USP34: variants seen among roughly 807,000 people sequenced by gnomAD.
USP34 encodes the protein ubiquitin carboxyl-terminal hydrolase 34.
In USP34, 70 loss-of-function variants were observed where a neutral mutation model predicts 460.3. That is an observed-to-expected ratio of 0.15 (90% CI 0.13 to 0.19). The LOEUF (loss-of-function observed/expected upper bound fraction) is 0.19. Among genes scored for constraint, USP34 ranks in the 10% least tolerant of loss-of-function variants. The pLI, the probability that USP34 is intolerant of heterozygous loss-of-function variation, is 1.00. For missense variants in USP34, 3,985 were observed against 4,236.2 expected, an observed-to-expected ratio of 0.94 and a Z score of 1.65; for synonymous variants, 1,647 against 1,405.3, an observed-to-expected ratio of 1.17 and a Z score of -3.85.
intron 75 of USP34, chr2:61,194,275 A>T (rs571757960): frequency 1.0e-5 from 10 of 985,240 alleles, no homozygotes; most frequent in Non-Finnish European, 1.1e-5. Context: ...ATCCTAACCT[A>T]ATCTGGTTGG....
chr2:61,304,690 A>ACC (rs1690346376), intron 27 of USP34, among the ~76,000 whole-genome samples: 2 of 152,352 alleles, frequency 1.3e-5, no homozygotes, highest in South Asian at 4.1e-4. Flanking sequence ...CAGGTTCCAG[A>ACC]CCATGAGAAA....
chr2:61,265,148 T>C (rs1316716177), intron 43 of USP34: 34 of 365,022 alleles, frequency 9.3e-5, no homozygotes, highest in South Asian at 2.5e-4. Flanking sequence ...ATGATATTCA[T>C]TGTATACACT....
At chr2:61,322,469 G>T (rs1690955454) in intron 21 of USP34, among the ~76,000 whole-genome samples, 1 of 152,110 alleles carries the variant, frequency 6.6e-6, no homozygotes, top group African/African-American at 2.4e-5. Context: ...TCACAAGTAC[G>T]AGTATGAAAA....
intron 5 of USP34, among the ~76,000 whole-genome samples, chr2:61,391,254 T>G (rs1208196472): frequency 6.6e-6 from 1 of 152,066 alleles, no homozygotes; most frequent in Non-Finnish European, 1.5e-5. Context: ...AAGACCAGCC[T>G]GGGGAACATG....
Position 61,314,597 on chromosome 2 carries a change from G to A in USP34, c.3530C>T (p.Ala1177Val), listed in dbSNP as rs774824236. 5.9e-6 allele frequency: 9 copies of A among 1,519,286 alleles called. No homozygotes were observed. Among genetic ancestry groups the A allele is most frequent in the Admixed American group, 2.4e-5 (1 of 41,966 alleles). The allele number at this position is 1,519,286 out of a possible 1,614,324, so 94.1% of individuals were successfully genotyped here. A position where few individuals can be genotyped will look rare whatever the true frequency, so the allele number is the denominator to read the frequency against. ...GLLMLKTHLE[A>V]FRRRFAYHLR... ...TTTTAAAAATTACCTTCTCCTAAAC[G>A]CTTCCAGATGTGTCTTCAGCATAAG... The change falls in exon 25 of 80, where the codon GCG becomes GTG. Residue 1177 changes from alanine to valine, a missense_variant. Ala to Val is a moderately conservative substitution (Grantham distance 64, BLOSUM62 0). Coordinates refer to ENST00000398571, the MANE Select transcript of USP34 (RefSeq NM_014709.4).
In USP34 at chr2:61,362,422, G is replaced by A. The variant is rs569198631; in HGVS notation, c.1251+7899C>T. ...AAAAAAAACTAAACATCTTTCCACA[G>A]ATGAATAGACAAAATGTGGTGTACA... On this transcript the variant is annotated intron_variant, in intron 10 of 79. Transcript: ENST00000398571. Among the ~76,000 whole-genome samples, 3 of 152,270 alleles carry A rather than the reference G, an allele frequency of 2.0e-5. No homozygotes were observed. In the East Asian group the frequency reaches 5.8e-4, roughly 29 times the overall value.
At chr2:61,405,443 T>C (rs1002909726) in intron 3 of USP34, among the ~76,000 whole-genome samples, 5 of 152,140 alleles carry the variant, frequency 3.3e-5, no homozygotes, top group African/African-American at 9.7e-5. Flanking sequence ...AAAATAAGCA[T>C]AGATCTATAG....
chr2:61,402,235 A>G (rs906955459), intron 3 of USP34, among the ~76,000 whole-genome samples: 1 of 152,060 alleles, frequency 6.6e-6, no homozygotes, highest in Non-Finnish European at 1.5e-5. Context: ...ACCAATGATC[A>G]CACCACCGCA....
At chr2:61,348,687 CCAATT>C in intron 14 of USP34, 64 bp downstream of exon 14, 1 of 1,536,360 alleles carries the variant, frequency 6.5e-7, no homozygotes, top group Non-Finnish European at 8.8e-7. Context: ...GTATATATAC[CCAATT>C]CAAATGATAA....
At chr2:61,280,532 C>G (rs541978208) in intron 38 of USP34, among the ~76,000 whole-genome samples, 184 bp from the exon 39 acceptor site, 39 of 152,064 alleles carry the variant, frequency 2.6e-4, no homozygotes, top group Non-Finnish European at 4.1e-4. Flanking sequence ...AAAAAAATGA[C>G]AAACGTAAGA....
Position 61,187,994 on chromosome 2 carries a change from C to T in USP34, c.*108G>A. ...CTATAAATCTATCTTGCCATTCAAG[C>T]AGAGAGCACTGGACAAACTGAAGCA... On this transcript the variant is annotated 3_prime_UTR_variant, in exon 80 of 80. Coordinates refer to ENST00000398571, the MANE Select transcript of USP34 (RefSeq NM_014709.4). The T allele has an allele frequency of 6.7e-7, 1 of 1,488,876 alleles. No individual in the cohort carries two copies. The highest frequency in any genetic ancestry group is 8.9e-7 in the Non-Finnish European group (1 of 1,120,958). The allele number at this position is 1,488,876 out of a possible 1,614,324, so 92.2% of individuals were successfully genotyped here.
At chr2:61,311,033 G>T (rs1312682544) in intron 27 of USP34, among the ~76,000 whole-genome samples, 1 of 152,112 alleles carries the variant, frequency 6.6e-6, no homozygotes, top group African/African-American at 2.4e-5. Flanking sequence ...AAAGGGAGGG[G>T]AGGGTGAAGG....
intron 10 of USP34, among the ~76,000 whole-genome samples, chr2:61,368,031 A>C (rs189174089): frequency 6.6e-6 from 1 of 152,212 alleles, no homozygotes; most frequent in Non-Finnish European, 1.5e-5. Context: ...ACATGTCCTT[A>C]AACAACCGGA....
chr2:61,363,940 C>G (rs1013606957), intron 10 of USP34, among the ~76,000 whole-genome samples: 2 of 152,132 alleles, frequency 1.3e-5, no homozygotes, highest in Admixed American at 6.5e-5. Flanking sequence ...TTCATCATCA[C>G]CAATAACAAC....
Position 61,206,123 on chromosome 2 carries a change from A to G in USP34, c.9048T>C (p.Asp3016=), listed in dbSNP as rs1158654740. The G allele has an allele frequency of 1.2e-6, 2 of 1,612,594 alleles. No individual in the cohort carries two copies. Among genetic ancestry groups the G allele is most frequent in the East Asian group, 2.2e-5 (1 of 44,834 alleles). The change falls in exon 72 of 80, where the codon GAT becomes GAC. Residue 3016 remains aspartate (D), a splice_region_variant and synonymous_variant. Coordinates refer to ENST00000398571, the MANE Select transcript of USP34 (RefSeq NM_014709.4). ...GCCACTGGATTAATGCTTGTTTCACATCTGCAAATATAAAAGCACATATAA... is the reference window on the plus strand; with the variant it reads ...GCCACTGGATTAATGCTTGTTTCACGTCTGCAAATATAAAAGCACATATAA... ...KSTRPYLQRK[D]VKQALIQWQE...
intron 1 of USP34, among the ~76,000 whole-genome samples, chr2:61,432,078 C>T (rs921788735): frequency 1.8e-4 from 28 of 151,882 alleles, no homozygotes; most frequent in Admixed American, 1.8e-3. Context: ...TAGCAGCTCA[C>T]GCCTGTAATC....
chr2:61,423,876 G>A (rs1372252593), intron 1 of USP34, among the ~76,000 whole-genome samples: 1 of 152,188 alleles, frequency 6.6e-6, no homozygotes, highest in Non-Finnish European at 1.5e-5. Context: ...AGAATGGCTT[G>A]AGTCCAGAAG....
intron 41 of USP34, among the ~76,000 whole-genome samples, chr2:61,268,238 T>A (rs1343390234): frequency 6.6e-6 from 1 of 151,870 alleles, no homozygotes; most frequent in African/African-American, 2.4e-5. Flanking sequence ...TAATAAAATA[T>A]TGTAAACTGG....
In USP34 at chr2:61,241,617, T is replaced by G; in HGVS notation, c.6720A>C (p.Glu2240Asp). The change falls in exon 53 of 80, where the codon GAA (glutamate) becomes GAC (aspartate). Residue 2240 changes from glutamate to aspartate, a missense_variant. This residue lies in a region of USP34 where 604 missense variants were observed against 684.8 expected (regional missense o/e 0.88). Coordinates refer to ENST00000398571, the MANE Select transcript of USP34 (RefSeq NM_014709.4). ...SAYMLFYKRM[E>D]PEEENGREYK... ...ATTCTCTGCCATTTTCTTCCTCTGG[T>G]TCCATGCGTTTGTAAAACAGCATAT... The G allele has an allele frequency of 6.2e-7, 1 of 1,610,072 alleles. No individual in the cohort carries two copies.
Sources: gnomAD v4.1 joint callset for allele counts (sites outside exome capture counted in the v4.1 genomes callset) on GRCh38, gnomAD v4.1.1 for gene constraint, gnomAD v4.1.1 regional missense constraint, MANE v1.5 for transcripts, NCBI Gene and HGNC (gene_info 2026-07-23, HGNC 2026-07-21) for gene names.